Variants in TYW1 observed in about 807,000 individuals in gnomAD.
The protein encoded by TYW1 is tRNA-yW synthesizing protein 1 homolog, also known as S-adenosyl-L-methionine-dependent tRNA 4-demethylwyosine synthase TYW1.
Under a neutral mutation model 96.2 loss-of-function variants are expected in TYW1, and 46 were observed. The ratio of observed to expected loss-of-function variants is 0.48; its 90% CI spans 0.38 to 0.61. TYW1 has a LOEUF of 0.61. Ranked by LOEUF, TYW1 falls within the 20% of genes least tolerant of loss-of-function variation. The pLI is 0.00. For missense variants in TYW1, 684 were observed against 909.6 expected (o/e 0.75, Z 3.19); for synonymous variants, 274 against 323.0 (o/e 0.85, Z 1.63).
intron 7 of TYW1, among the ~76,000 whole-genome samples, chr7:67,029,071 T>G (rs1262072815): frequency 6.6e-6 from 1 of 151,752 alleles, no homozygotes; most frequent in Non-Finnish European, 1.5e-5. Context: ...CAATCTCGGC[T>G]CACTGCAAGC....
intron 10 of TYW1, 72 bp from the exon 11 acceptor site, chr7:67,083,358 G>A: frequency 2.1e-6 from 3 of 1,456,926 alleles, no homozygotes; most frequent in Non-Finnish European, 2.9e-6. Context: ...AAAAATGGAT[G>A]ACTTCATCAT....
At position 67,219,794 on chromosome 7, in the gene TYW1, G is replaced by A. The variant is rs183190626; in HGVS notation, c.1978-18514G>A. Among the ~76,000 whole-genome samples the A allele has an allele frequency of 3.5e-3, 514 of 148,182 alleles. 3 individuals are homozygous for A. The highest frequency in any genetic ancestry group is 0.012 in the African/African-American group (498 of 40,560). ...CCTTTTAAAAATTCATCCAGCTAAAGGTTTGTCAATTTTGTTGATCTTTTA... is the reference window on the plus strand; with the variant it reads ...CCTTTTAAAAATTCATCCAGCTAAAAGTTTGTCAATTTTGTTGATCTTTTA... On this transcript the variant is annotated intron_variant, in intron 15 of 15. Transcript: ENST00000359626.
chr7:67,038,796 C>G (rs1429550025), intron 7 of TYW1, among the ~76,000 whole-genome samples: 1 of 151,640 alleles, frequency 6.6e-6, no homozygotes, highest in Non-Finnish European at 1.5e-5. Flanking sequence ...CCCAGCTACT[C>G]GGGAGGTTGA....
At position 67,132,493 on chromosome 7, in the gene TYW1, A is replaced by G. The variant is rs539244545; in HGVS notation, c.1698+14875A>G. 3.3e-5 allele frequency among the ~76,000 whole-genome samples: 5 copies of G among 152,362 alleles called. No individual in the cohort carries two copies. The South Asian group carries it at 1.0e-3, about 32-fold the overall frequency. ...TGTTTTCCATATTTTAAAACTTTAT[A>G]TAATATTGTAACCCTATATGTATCC... On this transcript the variant is annotated intron_variant, in intron 13 of 15. Coordinates refer to ENST00000359626, the MANE Select transcript of TYW1 (RefSeq NM_018264.4).
At chr7:67,043,326 T>C (rs866860146) in intron 7 of TYW1, among the ~76,000 whole-genome samples, 1 of 151,316 alleles carries the variant, frequency 6.6e-6, no homozygotes, top group Non-Finnish European at 1.5e-5. Context: ...CTTTCTCTTA[T>C]GTTGTGGTTT....
intron 11 of TYW1, among the ~76,000 whole-genome samples, chr7:67,083,852 T>C (rs1796456247): frequency 6.6e-6 from 1 of 152,156 alleles, no homozygotes; most frequent in Non-Finnish European, 1.5e-5. Context: ...CTGGCTAACA[T>C]GGTGAAACCC....
chr7:67,012,416 A>C (rs1295983205), intron 4 of TYW1, among the ~76,000 whole-genome samples: 3 of 152,148 alleles, frequency 2.0e-5, no homozygotes, highest in Non-Finnish European at 4.4e-5. Flanking sequence ...GCCCCGTCTT[A>C]GTGGTTAAAT....
At chr7:67,154,166 C>T (rs1798894595) in intron 13 of TYW1, among the ~76,000 whole-genome samples, 1 of 152,188 alleles carries the variant, frequency 6.6e-6, no homozygotes, top group Non-Finnish European at 1.5e-5. Context: ...TCATGATCCA[C>T]CTGCCTTGGC....
intron 15 of TYW1, among the ~76,000 whole-genome samples, chr7:67,212,272 T>A (rs944070759): frequency 7.5e-5 from 11 of 146,222 alleles, no homozygotes; most frequent in African/African-American, 2.9e-4. Flanking sequence ...TTTTTTTTTT[T>A]AACTTAGCAA....
At position 67,238,400 on chromosome 7, in the gene TYW1, G is replaced by C. The variant is rs376566915; in HGVS notation, c.2070G>C (p.Thr690=). The part of the protein sequence containing the change: ...QEYEDSGGSK[T]FSAKDYMART... Reference sequence around the variant, plus strand: ...ATGAAGATAGTGGTGGATCAAAAACGTTCAGCGCAAAGGATTATATGGCCA... The same window carrying C: ...ATGAAGATAGTGGTGGATCAAAAACCTTCAGCGCAAAGGATTATATGGCCA... The change falls in exon 16 of 16, where the codon ACG becomes ACC. Residue 690 remains threonine (T), a synonymous_variant. Coordinates refer to ENST00000359626, the MANE Select transcript of TYW1 (RefSeq NM_018264.4). 6 of 1,613,822 alleles carry C rather than the reference G, an allele frequency of 3.7e-6. No individual in the cohort carries two copies. The African/African-American group carries it at 4.0e-5, about 11-fold the overall frequency.
Position 67,029,002 on chromosome 7 carries a change from CT to C in TYW1, c.984+3994del, listed in dbSNP as rs752751448. ...GATTTTATTTGGACGCTGATATGGA[CT>C]TTTTTTTTTTTTTGAGACGGAGTCT... On this transcript the variant is annotated intron_variant, in intron 7 of 15. Transcript: ENST00000359626. Among the ~76,000 whole-genome samples, 149 of 144,610 alleles carry C rather than the reference CT, an allele frequency of 1.0e-3. 1 individual carries two copies. The highest frequency in any genetic ancestry group is 3.9e-3 in the South Asian group (18 of 4,568). The allele number at this position is 144,610 out of a possible 152,430, so 94.9% of individuals were successfully genotyped here.
chr7:67,052,546 A>G lies in TYW1; in HGVS notation c.1102+2480A>G, dbSNP rs185527802. The stretch of plus-strand genomic sequence containing the variant: ...ACATCTATTACCTTTTTGAGCCTAT[A>G]GAAAACAGTTATAACTGTTTTAATG... On this transcript the variant is annotated intron_variant, in intron 8 of 15. Coordinates refer to ENST00000359626, the MANE Select transcript of TYW1 (RefSeq NM_018264.4). Among the ~76,000 whole-genome samples, 234 of 152,268 alleles carry G rather than the reference A, an allele frequency of 1.5e-3. 2 individuals are homozygous for G. The highest frequency in any genetic ancestry group is 5.5e-3 in the African/African-American group (227 of 41,536).
intron 14 of TYW1, among the ~76,000 whole-genome samples, chr7:67,184,385 G>C (rs1799934342): frequency 6.6e-6 from 1 of 151,744 alleles, no homozygotes; most frequent in Non-Finnish European, 1.5e-5. Flanking sequence ...TGTGTGTGTG[G>C]GTTTGTTTGT....
At chr7:67,197,993 C>A (rs1177555538) in intron 15 of TYW1, among the ~76,000 whole-genome samples, 1 of 137,500 alleles carries the variant, frequency 7.3e-6, no homozygotes, top group African/African-American at 2.7e-5. Flanking sequence ...GTGCACGCAT[C>A]GTCTTTTCTG....
intron 15 of TYW1, among the ~76,000 whole-genome samples, chr7:67,237,483 G>C (rs1801926392): frequency 7.1e-6 from 1 of 141,178 alleles, no homozygotes; most frequent in Non-Finnish European, 1.5e-5. Flanking sequence ...CTGGGCTACA[G>C]AGTGAGACTC....
intron 4 of TYW1, among the ~76,000 whole-genome samples, chr7:67,011,058 A>G (rs1439266629): frequency 6.6e-6 from 1 of 151,756 alleles, no homozygotes; most frequent in East Asian, 1.9e-4. Context: ...TTTTTTTTTA[A>G]TGGAGTTTCG....
chr7:66,998,494 CTCTT>C (rs952011325), intron 2 of TYW1, among the ~76,000 whole-genome samples: 24 of 152,106 alleles, frequency 1.6e-4, no homozygotes, highest in Admixed American at 9.2e-4. Context: ...CAGTAGTCCT[CTCTT>C]TCCATTAATT....
At chr7:67,055,236 G>A (rs191500182) in intron 8 of TYW1, among the ~76,000 whole-genome samples, 2 of 152,216 alleles carry the variant, frequency 1.3e-5, no homozygotes, top group East Asian at 1.9e-4. Context: ...GCTTTACCGA[G>A]TTTTTACCTA....
chr7:67,029,414 T>TATATACATATATATATATATAC (rs1562973615), intron 7 of TYW1, among the ~76,000 whole-genome samples: 33 of 138,366 alleles, frequency 2.4e-4, no homozygotes, highest in Non-Finnish European at 2.8e-4. Flanking sequence ...TGTGTGTGTG[T>TATATACATATATATATATATAC]GTATATATAT....
Sources: allele counts gnomAD v4.1 joint callset (sites outside exome capture counted in the v4.1 genomes callset), GRCh38; gene constraint gnomAD v4.1.1; transcripts MANE v1.5; gene names NCBI Gene and HGNC (gene_info 2026-07-23, HGNC 2026-07-21).